The following KIAA0825 variants were observed in gnomAD, a reference collection of about 807,000 sequenced individuals.
KIAA0825 encodes uncharacterized protein KIAA0825.
A neutral mutation model predicts 147.6 loss-of-function variants in KIAA0825; 119 were observed. The observed-to-expected ratio is 0.81, with a 90% CI of 0.69 to 0.94. The LOEUF (loss-of-function observed/expected upper bound fraction) is 0.94, where lower values mean the gene tolerates loss of function less well. KIAA0825 is among the 40% of genes least tolerant of loss of function. The pLI is 0.00. For missense variants in KIAA0825, 1,381 were observed against 1,472.7 expected, an observed-to-expected ratio of 0.94 and a Z score of 1.02; for synonymous variants, 470 against 518.1, an observed-to-expected ratio of 0.91 and a Z score of 1.26.
chr5:94,412,467 C>G (rs1488527792), intron 15 of KIAA0825, among the ~76,000 whole-genome samples: 1 of 151,992 alleles, frequency 6.6e-6, no homozygotes, highest in Non-Finnish European at 1.5e-5. Context: ...GTGGTGTGAT[C>G]TCGACTCACT....
chr5:94,312,360 T>C (rs1779263482), intron 20 of KIAA0825, among the ~76,000 whole-genome samples: 2 of 151,652 alleles, frequency 1.3e-5, no homozygotes, highest in African/African-American at 4.8e-5. Flanking sequence ...TGAGATAATC[T>C]TAGAAACGAG....
chr5:94,175,865 C>T (rs1239375146), intron 20 of KIAA0825, among the ~76,000 whole-genome samples: 1 of 152,098 alleles, frequency 6.6e-6, no homozygotes, highest in Non-Finnish European at 1.5e-5. Context: ...TCTTATTTGC[C>T]ATAACCTATA....
intron 12 of KIAA0825, among the ~76,000 whole-genome samples, chr5:94,455,182 C>T (rs962354178): frequency 6.6e-6 from 1 of 151,868 alleles, no homozygotes; most frequent in African/African-American, 2.4e-5. Context: ...ATTCACACTA[C>T]CCCCCAACCC....
At position 94,264,389 on chromosome 5, in the gene KIAA0825, C is replaced by T. The variant is rs1776646468; in HGVS notation, c.3711-110265G>A. Among the ~76,000 whole-genome samples, 5 of 152,248 alleles carry T rather than the reference C, an allele frequency of 3.3e-5. No individual in the cohort carries two copies. The South Asian group carries it at 1.0e-3, about 32-fold the overall frequency. On this transcript the variant is annotated intron_variant, in intron 20 of 20. Coordinates refer to ENST00000682413, the MANE Select transcript of KIAA0825 (RefSeq NM_001145678.3). ...TTTGGTACATGGTAATCTCTTAGTA[C>T]ATGTGTGTTAAATGAATGAATAGAT... is the stretch of plus-strand genomic sequence containing the variant.
chr5:94,180,008 G>A (rs1022775834), intron 20 of KIAA0825, among the ~76,000 whole-genome samples: 1 of 152,036 alleles, frequency 6.6e-6, no homozygotes, highest in Non-Finnish European at 1.5e-5. Context: ...TGCAAAATTA[G>A]TGGGTAAAAG....
intron 1 of KIAA0825, chr5:94,593,290 A>T: frequency 1.3e-6 from 1 of 779,472 alleles, no homozygotes; most frequent in Admixed American, 1.7e-5. Context: ...ATTAATGGGA[A>T]AAATAGCTGA....
At position 94,151,231 on chromosome 5, in the gene KIAA0825, C is replaced by G. The variant is rs1766454967; in HGVS notation, c.*2776G>C. ...AGGAGATCGAGACCATCCTGGCTAA[C>G]AAGGTGAAACCCCGTCTCTACTAAA... On this transcript the variant is annotated 3_prime_UTR_variant, in exon 21 of 21. Transcript: ENST00000682413. Among the ~76,000 whole-genome samples, 1 of 150,806 alleles carries G rather than the reference C, an allele frequency of 6.6e-6. No individual in the cohort carries two copies. The highest frequency in any genetic ancestry group is 6.6e-5 in the Admixed American group (1 of 15,160).
At chr5:94,419,389 G>A (rs1753882054) in intron 14 of KIAA0825, among the ~76,000 whole-genome samples, 1 of 151,978 alleles carries the variant, frequency 6.6e-6, no homozygotes, top group Non-Finnish European at 1.5e-5. Context: ...TTATCCTCAT[G>A]TCCTTCCTTG....
intron 1 of KIAA0825, among the ~76,000 whole-genome samples, chr5:94,610,093 TAA>T (rs1290040875): frequency 6.6e-6 from 1 of 152,122 alleles, no homozygotes; most frequent in Admixed American, 6.5e-5. Flanking sequence ...TTTGATGAGC[TAA>T]AGTTTGAAAA....
chr5:94,306,443 T>C lies in KIAA0825; in HGVS notation c.3710+77925A>G, dbSNP rs200910635. ...ACTCCCTGAGAAAAATCCAGCACCA[T>C]ATTAAAAAGTTGTGTAAGTTCCATT... On this transcript the variant is annotated intron_variant, in intron 20 of 20. Coordinates refer to ENST00000682413, the MANE Select transcript of KIAA0825 (RefSeq NM_001145678.3). Among the ~76,000 whole-genome samples, 21 of 151,952 alleles carry C rather than the reference T, an allele frequency of 1.4e-4. No homozygotes were observed. In the East Asian group the frequency reaches 3.5e-3, roughly 25 times the overall value.
chr5:94,411,598 A>C (rs915964944), intron 15 of KIAA0825, among the ~76,000 whole-genome samples: 2 of 152,238 alleles, frequency 1.3e-5, no homozygotes, highest in African/African-American at 4.8e-5. Flanking sequence ...GAGAAATATT[A>C]GTAAAATTTA....
intron 3 of KIAA0825, among the ~76,000 whole-genome samples, chr5:94,533,623 C>T (rs1771374620): frequency 6.6e-6 from 1 of 152,166 alleles, no homozygotes; most frequent in South Asian, 2.1e-4. Flanking sequence ...ACCTCAGTAT[C>T]TTGTTAAACT....
At chr5:94,257,837 G>A (rs542384082) in intron 20 of KIAA0825, among the ~76,000 whole-genome samples, 2 of 152,094 alleles carry the variant, frequency 1.3e-5, no homozygotes, top group East Asian at 3.9e-4. Context: ...TATTATATAA[G>A]TCTTTCCAAT....
intron 5 of KIAA0825, among the ~76,000 whole-genome samples, chr5:94,509,848 A>C (rs1766236559): frequency 6.6e-6 from 1 of 152,200 alleles, no homozygotes; most frequent in Non-Finnish European, 1.5e-5. Flanking sequence ...TGGGAACTTC[A>C]GGGCTTTTGT....
At chr5:94,349,587 T>G (rs2150359158) in intron 20 of KIAA0825, among the ~76,000 whole-genome samples, 1 of 152,278 alleles carries the variant, frequency 6.6e-6, no homozygotes, top group African/African-American at 2.4e-5. Flanking sequence ...AAGTACTCTC[T>G]TAGACCACAG....
chr5:94,513,587 C>G (rs1054950905), intron 5 of KIAA0825, among the ~76,000 whole-genome samples: 1 of 151,946 alleles, frequency 6.6e-6, no homozygotes, highest in Non-Finnish European at 1.5e-5. Flanking sequence ...TTTTTGTGCC[C>G]TTCTGTCTTT....
chr5:94,584,587 G>A (rs1782889020), intron 1 of KIAA0825, among the ~76,000 whole-genome samples: 2 of 152,014 alleles, frequency 1.3e-5, no homozygotes, highest in Admixed American at 6.5e-5. Context: ...AAGTGATGGG[G>A]AGAATGGAAC....
intron 2 of KIAA0825, among the ~76,000 whole-genome samples, chr5:94,578,302 G>A (rs991655235): frequency 4.6e-5 from 7 of 152,022 alleles, no homozygotes; most frequent in Admixed American, 2.6e-4. Context: ...CAACAATTCC[G>A]TAGACTGTGG....
intron 1 of KIAA0825, among the ~76,000 whole-genome samples, chr5:94,584,681 T>A (rs1324123620): frequency 1.3e-5 from 2 of 151,960 alleles, no homozygotes; most frequent in Non-Finnish European, 2.9e-5. Flanking sequence ...ATTCAAGAAA[T>A]ACAGAGAACA....
Sources: allele counts gnomAD v4.1 joint callset (sites outside exome capture counted in the v4.1 genomes callset), GRCh38; gene constraint gnomAD v4.1.1; transcripts MANE v1.5; gene names NCBI Gene and HGNC (gene_info 2026-07-23, HGNC 2026-07-21).